The following MEG3 variants were observed in gnomAD, a reference collection of about 807,000 sequenced individuals.
MEG3 encodes maternally expressed 3.
chr14:100,848,051 C>T (rs908401378), intron 3 of MEG3: 3 of 150,806 alleles, frequency 2.0e-5, no homozygotes, highest in Non-Finnish European at 4.4e-5. Context: ...CAATGAGCTC[C>T]GAAGACAAAG....
chr14:100,828,376 A>C (rs1235509715), intron 1 of MEG3, among the ~76,000 whole-genome samples: 46 of 111,910 alleles, frequency 4.1e-4, no homozygotes, highest in African/African-American at 7.3e-4. Context: ...CTCTCCCTCC[A>C]CCCTTTCTCA....
upstream of MEG3, chr14:100,853,629 A>G (rs2038155245): frequency 6.6e-6 from 1 of 150,762 alleles, no homozygotes; most frequent in Non-Finnish European, 1.5e-5. Context: ...TGTCATCAAC[A>G]TTTTCCCTTG....
chr14:100,858,329 C>T (rs2038301755), exon 1 of MEG3: 2 of 152,878 alleles, frequency 1.3e-5, no homozygotes, highest in African/African-American at 2.4e-5. Flanking sequence ...CAGGGGTCTC[C>T]AGACATCCCA....
chr14:100,844,189 C>A (rs2037845395), intron 2 of MEG3, among the ~76,000 whole-genome samples: 1 of 152,114 alleles, frequency 6.6e-6, no homozygotes, highest in African/African-American at 2.4e-5. Flanking sequence ...TCTCTCATGG[C>A]CTTTCTGTTT....
chr14:100,854,510 C>A (rs905228938), upstream of MEG3: 8 of 152,282 alleles, frequency 5.3e-5, no homozygotes, highest in African/African-American at 1.9e-4. Flanking sequence ...ATTTGCTTCT[C>A]CCTGGGAAGT....
At chr14:100,856,970 T>C (rs1297413314), upstream of MEG3, 1 of 152,110 alleles carries the variant, frequency 6.6e-6, no homozygotes, top group Non-Finnish European at 1.5e-5. Flanking sequence ...TGGGCTCAAA[T>C]GCAGCAGGCT....
chr14:100,844,287 T>C (rs1309432263), intron 2 of MEG3, among the ~76,000 whole-genome samples: 1 of 152,036 alleles, frequency 6.6e-6, no homozygotes. Flanking sequence ...TCCCCAGAGA[T>C]GGTGTTTTCA....
At chr14:100,836,249 C>A (rs995113777) in exon 2 of MEG3, 2 of 456,552 alleles carry the variant, frequency 4.4e-6, no homozygotes, top group African/African-American at 4.0e-5. Flanking sequence ...GCCCACCATC[C>A]CGGACCCAAG....
chr14:100,860,528 G>T (rs933475848), intron 1 of MEG3, among the ~76,000 whole-genome samples: 88 of 152,166 alleles, frequency 5.8e-4, no homozygotes, highest in African/African-American at 2.0e-3. Context: ...AGGCCGAGCT[G>T]GTGGCTGGGT....
intron 2 of MEG3, chr14:100,828,851 A>T (rs1454495824): frequency 6.6e-6 from 1 of 151,938 alleles, no homozygotes; most frequent in East Asian, 1.9e-4. Flanking sequence ...TTCATAACCA[A>T]CGTGGCGGGC....
chr14:100,844,897 C>T (rs2037869364), intron 2 of MEG3, among the ~76,000 whole-genome samples: 1 of 152,256 alleles, frequency 6.6e-6, no homozygotes, highest in Non-Finnish European at 1.5e-5. Context: ...GGCCATGGTG[C>T]TTCCCGGGGC....
intron 2 of MEG3, among the ~76,000 whole-genome samples, chr14:100,836,669 C>T (rs2037592306): frequency 6.6e-6 from 1 of 152,020 alleles, no homozygotes; most frequent in African/African-American, 2.4e-5. Context: ...TTGCCCTGCC[C>T]ACACCCGGCC....
At chr14:100,851,709 C>G (rs1368051553) in intron 3 of MEG3, 1 of 152,798 alleles carries the variant, frequency 6.5e-6, no homozygotes, top group East Asian at 1.9e-4. Flanking sequence ...TTCAAGGCCT[C>G]TCTGTCTTCT....
At chr14:100,857,984 C>T (rs574790610) in exon 1 of MEG3, 3 of 152,270 alleles carry the variant, frequency 2.0e-5, no homozygotes, top group African/African-American at 4.8e-5. Flanking sequence ...CTTCCCTGGG[C>T]CTGGCACCAA....
intron 3 of MEG3, chr14:100,850,185 G>A (rs1224672208): frequency 6.6e-6 from 1 of 152,212 alleles, no homozygotes; most frequent in Non-Finnish European, 1.5e-5. Flanking sequence ...GTGAGTGGAT[G>A]AGAGAGTGAA....
At chr14:100,838,238 C>A (rs1236370302) in intron 2 of MEG3, among the ~76,000 whole-genome samples, 1 of 152,172 alleles carries the variant, frequency 6.6e-6, no homozygotes, top group African/African-American at 2.4e-5. Context: ...CAGGGGCACA[C>A]AGGAGAGGCC....
intron 2 of MEG3, among the ~76,000 whole-genome samples, chr14:100,838,376 G>A (rs2037651277): frequency 6.6e-6 from 1 of 152,176 alleles, no homozygotes; most frequent in Non-Finnish European, 1.5e-5. Context: ...GGGGTTTTGT[G>A]TGTCATTAGG....
downstream of MEG3, chr14:100,830,067 G>A (rs997712943): frequency 6.6e-6 from 1 of 152,190 alleles, no homozygotes; most frequent in African/African-American, 2.4e-5. Flanking sequence ...GGCAACAGAA[G>A]GGGTTGGAGT....
chr14:100,859,787 T>C (rs1234422258), exon 1 of MEG3: 1 of 152,160 alleles, frequency 6.6e-6, no homozygotes, highest in Non-Finnish European at 1.5e-5. Flanking sequence ...TTCCCACCCG[T>C]TAGAAACAGG....
Sources: allele counts gnomAD v4.1 joint callset (sites outside exome capture counted in the v4.1 genomes callset), GRCh38; gene constraint gnomAD v4.1.1; transcripts MANE v1.5; gene names NCBI Gene and HGNC (gene_info 2026-07-23, HGNC 2026-07-21).